FHIT: variants seen among roughly 807,000 people sequenced by gnomAD.
FHIT encodes fragile histidine triad diadenosine triphosphatase.
Under a neutral mutation model 17.9 loss-of-function variants are expected in FHIT, and 19 were observed. That is an observed-to-expected ratio of 1.06 (90% CI 0.74 to 1.56). The LOEUF (loss-of-function observed/expected upper bound fraction) is 1.56. Among genes scored for constraint, FHIT ranks in the 40% most tolerant of loss-of-function variants. The probability of loss-of-function intolerance (pLI) is 0.00; values close to 1 mark genes in which losing one functional copy is unlikely to be tolerated. For missense variants in FHIT, 248 were observed against 189.2 expected, an observed-to-expected ratio of 1.31 and a Z score of -1.82; for synonymous variants, 81 against 69.7, an observed-to-expected ratio of 1.16 and a Z score of -0.81.
At chr3:60,400,677 T>C (rs1701625924) in intron 5 of FHIT, among the ~76,000 whole-genome samples, 1 of 152,074 alleles carries the variant, frequency 6.6e-6, no homozygotes, top group Admixed American at 6.6e-5. Context: ...CTGAAAGTGC[T>C]GGGGTAGACA....
At chr3:60,695,214 G>T (rs952340543) in intron 4 of FHIT, among the ~76,000 whole-genome samples, 8 of 152,070 alleles carry the variant, frequency 5.3e-5, no homozygotes, top group Non-Finnish European at 8.8e-5. Context: ...GGCCAAAATG[G>T]CAAAAGCCCA....
intron 4 of FHIT, among the ~76,000 whole-genome samples, chr3:60,631,729 G>A (rs1186561249): frequency 3.9e-5 from 6 of 152,314 alleles, no homozygotes; most frequent in Admixed American, 6.5e-5. Context: ...TACCATGTGC[G>A]TGTGTCGCAC....
chr3:59,960,193 C>T (rs1707602928), intron 7 of FHIT, among the ~76,000 whole-genome samples: 1 of 152,132 alleles, frequency 6.6e-6, no homozygotes, highest in Non-Finnish European at 1.5e-5. Context: ...ATACAGGGAG[C>T]ATGGTGAGAT....
chr3:60,284,324 T>A (rs1338830817), intron 5 of FHIT, among the ~76,000 whole-genome samples: 5 of 152,124 alleles, frequency 3.3e-5, no homozygotes, highest in Admixed American at 3.3e-4. Context: ...AGCTAGAAAT[T>A]AGACAAAATG....
chr3:60,221,404 C>T (rs1703952725), intron 5 of FHIT, among the ~76,000 whole-genome samples: 1 of 152,096 alleles, frequency 6.6e-6, no homozygotes, highest in Non-Finnish European at 1.5e-5. Context: ...ACAAGGGTTC[C>T]CTTAACAGAG....
intron 8 of FHIT, among the ~76,000 whole-genome samples, chr3:59,868,260 A>G (rs976336528): frequency 6.6e-6 from 1 of 152,116 alleles, no homozygotes; most frequent in Non-Finnish European, 1.5e-5. Context: ...AAGCAGAGAG[A>G]TTGACGTTGT....
chr3:60,541,392 T>C lies in FHIT; in HGVS notation c.-17-4413A>G, dbSNP rs74755471. The stretch of plus-strand genomic sequence containing the variant: ...ACAAACAGCATTGATTCAAGTGACC[T>C]GTGATTATTTCCCTCCCCAGAATCT... On this transcript the variant is annotated intron_variant, in intron 4 of 9. Coordinates refer to ENST00000492590, the MANE Select transcript of FHIT (RefSeq NM_002012.4). 1.1e-3 allele frequency among the ~76,000 whole-genome samples: 165 copies of C among 152,330 alleles called. 3 individuals are homozygous for C. Among genetic ancestry groups the C allele is most frequent in the African/African-American group, 3.5e-3 (145 of 41,574 alleles).
intron 5 of FHIT, among the ~76,000 whole-genome samples, chr3:60,465,041 T>C (rs979152896): frequency 2.0e-5 from 3 of 152,008 alleles, no homozygotes; most frequent in African/African-American, 7.2e-5. Context: ...CTTTTGCATA[T>C]CTTTTCATTA....
At chr3:60,267,525 CA>C (rs1214120917) in intron 5 of FHIT, among the ~76,000 whole-genome samples, 1 of 151,882 alleles carries the variant, frequency 6.6e-6, no homozygotes, top group African/African-American at 2.4e-5. Flanking sequence ...CTCAAATAAG[CA>C]AAATTCCTCA....
At chr3:60,116,791 G>A (rs372255853) in intron 5 of FHIT, among the ~76,000 whole-genome samples, 1 of 152,106 alleles carries the variant, frequency 6.6e-6, no homozygotes, top group Non-Finnish European at 1.5e-5. Context: ...GACTTTCTCT[G>A]TTGATATGAA....
At chr3:60,278,579 T>C (rs73835241) in intron 5 of FHIT, among the ~76,000 whole-genome samples, 4,659 of 152,078 alleles carry the variant, frequency 0.031, 207 homozygotes, top group African/African-American at 0.1. Flanking sequence ...ACAGACTCTA[T>C]TGAATAAGGA....
chr3:60,065,282 A>T (rs1188617556), intron 5 of FHIT, among the ~76,000 whole-genome samples: 1 of 152,210 alleles, frequency 6.6e-6, no homozygotes, highest in Admixed American at 6.5e-5. Context: ...CTTTGGGATC[A>T]GCCATGCTCC....
At chr3:60,151,182 T>C (rs1205808502) in intron 5 of FHIT, among the ~76,000 whole-genome samples, 1 of 152,128 alleles carries the variant, frequency 6.6e-6, no homozygotes, top group Non-Finnish European at 1.5e-5. Context: ...TCCTACCCAT[T>C]TAGTCAGATT....
At position 60,089,045 on chromosome 3, in the gene FHIT, C is replaced by T. The variant is rs527325159; in HGVS notation, c.104-74893G>A. On this transcript the variant is annotated intron_variant, in intron 5 of 9. Coordinates refer to ENST00000492590, the MANE Select transcript of FHIT (RefSeq NM_002012.4). ...GGCTTACAGAAATGGAGGACCCCAA[C>T]GCTAATGGCAAGGGCAGAAATCATC... Among the ~76,000 whole-genome samples the T allele has an allele frequency of 6.0e-4, 92 of 152,292 alleles. 1 individual carries two copies. Among genetic ancestry groups the T allele is most frequent in the Middle Eastern group, 3.4e-3 (1 of 294 alleles).
chr3:60,661,554 T>C (rs2040247849), intron 4 of FHIT, among the ~76,000 whole-genome samples: 1 of 152,216 alleles, frequency 6.6e-6, no homozygotes, highest in African/African-American at 2.4e-5. Flanking sequence ...CTTATTTTCC[T>C]CTGGGTAGAT....
intron 8 of FHIT, among the ~76,000 whole-genome samples, chr3:59,903,423 C>T (rs190893748): frequency 6.6e-6 from 1 of 152,216 alleles, no homozygotes; most frequent in Non-Finnish European, 1.5e-5. Flanking sequence ...AATGGGTGAA[C>T]TGTATGGTAT....
At chr3:60,474,623 A>G (rs765149860) in intron 5 of FHIT, among the ~76,000 whole-genome samples, 7 of 151,206 alleles carry the variant, frequency 4.6e-5, no homozygotes, top group Non-Finnish European at 7.4e-5. Context: ...TCAACACAAT[A>G]CAATTTTTTT....
chr3:60,559,123 C>T (rs991077590), intron 4 of FHIT, among the ~76,000 whole-genome samples: 4 of 152,050 alleles, frequency 2.6e-5, no homozygotes, highest in East Asian at 1.9e-4. Context: ...TTTAAATTAG[C>T]GGGTTTATTC....
intron 5 of FHIT, among the ~76,000 whole-genome samples, chr3:60,125,173 A>G (rs1250719181): frequency 6.6e-6 from 1 of 152,196 alleles, no homozygotes; most frequent in African/African-American, 2.4e-5. Flanking sequence ...ATGGAGCAAG[A>G]TGGAGATGAA....
Sources: gnomAD v4.1 joint callset for allele counts (sites outside exome capture counted in the v4.1 genomes callset) on GRCh38, gnomAD v4.1.1 for gene constraint, MANE v1.5 for transcripts, NCBI Gene and HGNC (gene_info 2026-07-23, HGNC 2026-07-21) for gene names.